IGSF22: variants seen among roughly 807,000 people sequenced by gnomAD.
IGSF22 encodes immunoglobulin superfamily, member 22.
A neutral mutation model predicts 127.0 loss-of-function variants in IGSF22; 119 were observed. The ratio of observed to expected loss-of-function variants is 0.94; its 90% CI spans 0.81 to 1.09. The LOEUF (loss-of-function observed/expected upper bound fraction) is 1.09. IGSF22 is among the 50% of genes least tolerant of loss of function. The pLI, the probability that IGSF22 is intolerant of heterozygous loss-of-function variation, is 0.00. For synonymous variants in IGSF22, 568 were observed against 664.7 expected (o/e 0.85, Z 2.24); for missense variants, 1,518 against 1,716.6 (o/e 0.88, Z 2.04).
chr11:18,707,174 T>A lies in IGSF22; in HGVS notation c.3320A>T (p.Glu1107Val). 2 of 1,547,258 alleles carry A rather than the reference T, an allele frequency of 1.3e-6. No homozygotes were observed. Among genetic ancestry groups the A allele is most frequent in the Non-Finnish European group, 1.7e-6 (2 of 1,144,440 alleles). The change falls in exon 21 of 23, where the codon GAA (glutamate) becomes GTA (valine). Residue 1107 changes from glutamate to valine, a missense_variant. Around this residue, in one of 3 missense-constraint regions of IGSF22, gnomAD observed 1,456 missense variants for 1,644.9 expected, o/e 0.89. Transcript: ENST00000513874. The part of the protein sequence containing the change: ...RPPTNLRLFE[E>V]VPNTVTLTWN... Reference sequence around the variant, plus strand: ...GGTCAGAGTCACTGTGTTGGGGACTTCCTCAAACAACCGTAGGTTTGTGGG... The same window carrying A: ...GGTCAGAGTCACTGTGTTGGGGACTACCTCAAACAACCGTAGGTTTGTGGG...
intron 20 of IGSF22, chr11:18,707,426 T>C: frequency 1.8e-6 from 1 of 542,668 alleles, no homozygotes; most frequent in Non-Finnish European, 3.2e-6. Context: ...CTTTCCTCAA[T>C]TGCAAAATAG....
At chr11:18,705,489 C>A in intron 22 of IGSF22, 1 of 297,444 alleles carries the variant, frequency 3.4e-6, no homozygotes, top group Non-Finnish European at 6.2e-6. Flanking sequence ...TTTCCAGAAC[C>A]GTGCCAGAGA....
In IGSF22 at chr11:18,714,005, C is replaced by T. The variant is rs770705790; in HGVS notation, c.1942G>A (p.Val648Met). The change falls in exon 14 of 23, where the codon GTG becomes ATG. Residue 648 changes from valine to methionine, a missense_variant. Val to Met is a conservative substitution (Grantham distance 21, BLOSUM62 1). Transcript: ENST00000513874. Reference protein sequence around the residue: ...KVTWYKDGMEVTEEERVSMER... With the variant: ...KVTWYKDGMEMTEEERVSMER... ...ATGGACACGCGTTCCTCCTCCGTCA[C>T]TTCCATGCCATCCTTGTACCATGTC... The T allele has an allele frequency of 6.2e-7, 1 of 1,614,300 alleles. No homozygotes were observed. Among genetic ancestry groups the T allele is most frequent in the African/African-American group, 1.3e-5 (1 of 75,080 alleles).
chr11:18,710,291 C>T, intron 17 of IGSF22, 36 bp downstream of exon 17: 1 of 1,606,938 alleles, frequency 6.2e-7, no homozygotes, highest in South Asian at 1.1e-5. Context: ...TGGGCTAATT[C>T]CATTATGTGT....
chr11:18,710,360 G>A lies in IGSF22; in HGVS notation c.2668C>T (p.Pro890Ser), dbSNP rs370908448. ...TCCTTGGCCACTACTGAGCTGGATG[G>A]CACACTGGGCTGTCCAGGGCCTGCC... ...NKAGPGQPSV[P>S]SSSVVAKDPV... is the part of the protein sequence containing the mutation. Residue 890 changes from proline (P) to serine (S), a missense_variant, in exon 17 of 23, where the codon CCA (proline) becomes TCA (serine). Physicochemically the swap from Pro to Ser is moderately conservative, Grantham distance 74. Coordinates refer to ENST00000513874, the MANE Select transcript of IGSF22 (RefSeq NM_173588.4). 3 of 1,614,194 alleles carry A rather than the reference G, an allele frequency of 1.9e-6. No individual in the cohort carries two copies. The highest frequency in any genetic ancestry group is 2.5e-6 in the Non-Finnish European group (3 of 1,180,036).
chr11:18,724,465 A>G (rs1180031116), intron 1 of IGSF22, among the ~76,000 whole-genome samples, 196 bp from the exon 2 acceptor site: 3 of 152,144 alleles, frequency 2.0e-5, no homozygotes. Flanking sequence ...CTGTCCTCTC[A>G]CTGAGTAACT....
intron 15 of IGSF22, 54 bp from the exon 16 acceptor site, chr11:18,710,882 G>T (rs1848343258): frequency 5.5e-6 from 8 of 1,456,396 alleles, no homozygotes; most frequent in Non-Finnish European, 7.6e-6. Context: ...GTAGATATTT[G>T]CCCACCTCAT....
At chr11:18,705,659 GGAGAGT>G (rs1340909340) in intron 22 of IGSF22, 152 bp downstream of exon 22, 1 of 638,874 alleles carries the variant, frequency 1.6e-6, no homozygotes, top group East Asian at 2.7e-5. Context: ...CGAAAGGATG[GGAGAGT>G]GGTAAGAACT....
At chr11:18,723,770 A>G (rs543718427) in intron 2 of IGSF22, among the ~76,000 whole-genome samples, 22 of 152,362 alleles carry the variant, frequency 1.4e-4, no homozygotes, top group African/African-American at 4.8e-4. Context: ...TGATATGTAG[A>G]TAAGGTGGCT....
rs1242385165 is a variant in IGSF22 at position 18,716,931 on chromosome 11, T to C, written c.1043A>G (p.Glu348Gly). 1 of 1,614,224 alleles carries C rather than the reference T, an allele frequency of 6.2e-7. No individual in the cohort carries two copies. The highest frequency in any genetic ancestry group is 8.5e-7 in the Non-Finnish European group (1 of 1,180,044). The change falls in exon 10 of 23, where the codon GAG becomes GGG. Residue 348 changes from glutamate to glycine, a missense_variant. Physicochemically the swap from Glu to Gly is moderately conservative, Grantham distance 98. This residue lies in a region of IGSF22 where 1,456 missense variants were observed against 1,644.9 expected (regional missense o/e 0.89). Transcript: ENST00000513874. This position sits in a 1 kb window ranked among gnomAD's most constrained non-coding sequence, Gnocchi z 4.5. The part of the protein sequence containing the change: ...KVTERQTAVF[E>G]IRLSKKEPNF... ...GGGCTCTTTCTTGGAGAGGCGGATC[T>C]CAAACACAGCTGTCTGGCGCTCTGT... is the stretch of plus-strand genomic sequence containing the variant.
Position 18,712,102 on chromosome 11 carries a change from ACTT to A in IGSF22, c.2375_2377del (p.Glu792del). 1.9e-6 allele frequency: 3 copies of A among 1,551,014 alleles called. No homozygotes were observed. The highest frequency in any genetic ancestry group is 1.2e-5 in the South Asian group (1 of 84,038). ...CTGACCTATGGGATTTCCTGCAAAC[ACTT>A]CTTCTGTCTCCAGTGGGTCACTCAC... On this transcript the variant is annotated inframe_deletion, in exon 15 of 23. Coordinates refer to ENST00000513874, the MANE Select transcript of IGSF22 (RefSeq NM_173588.4).
chr11:18,707,075 G>T lies in IGSF22; in HGVS notation c.3419C>A (p.Ala1140Asp), dbSNP rs182794983. The T allele has an allele frequency of 1.3e-6, 2 of 1,551,570 alleles. No individual in the cohort carries two copies. Among genetic ancestry groups the T allele is most frequent in the East Asian group, 2.4e-5 (1 of 40,930 alleles). ...YIIMKRDAST[A>D]TWYTAAERVF... ...ACGCTCGGCTGCCGTGTACCAGGTG[G>T]CTGTGCTTGCATCCCGCTTCATGAT... Residue 1140 changes from alanine (A) to aspartate (D), a missense_variant, in exon 21 of 23, where the codon GCC (alanine) becomes GAC (aspartate). By Grantham distance (126) the Ala-to-Asp change is moderately radical. Transcript: ENST00000513874.
At chr11:18,723,397 T>C (rs1274545717) in intron 2 of IGSF22, among the ~76,000 whole-genome samples, 1 of 152,262 alleles carries the variant, frequency 6.6e-6, no homozygotes, top group Non-Finnish European at 1.5e-5. Flanking sequence ...TCTGCCTCAC[T>C]GGCCAGGAGG....
At chr11:18,707,677 T>A in intron 20 of IGSF22, 127 bp downstream of exon 20, 1 of 724,268 alleles carries the variant, frequency 1.4e-6, no homozygotes, top group Non-Finnish European at 2.3e-6. Flanking sequence ...TGCTCTGTGG[T>A]GTCAAAGAAA....
At chr11:18,722,402 C>A (rs1240982387) in intron 2 of IGSF22, among the ~76,000 whole-genome samples, 3 of 151,998 alleles carry the variant, frequency 2.0e-5, no homozygotes, top group African/African-American at 7.3e-5. Context: ...TTAAGAGGGG[C>A]TAGGCCTGCT....
At chr11:18,720,344 G>T in intron 4 of IGSF22, 59 bp from the exon 5 acceptor site, 1 of 1,372,148 alleles carries the variant, frequency 7.3e-7, no homozygotes, top group Non-Finnish European at 1.0e-6. Flanking sequence ...GAGACTTTCT[G>T]TCAGATAAGG....
rs1347585111 is a variant in IGSF22 at position 18,706,233 on chromosome 11, C to G, written c.3581-87G>C. 6 of 1,262,682 alleles carry G rather than the reference C, an allele frequency of 4.8e-6. No homozygotes were observed. In the East Asian group the frequency reaches 1.5e-4, roughly 32 times the overall value. The allele number at this position is 1,262,682 out of a possible 1,614,324, so 78.2% of individuals were successfully genotyped here. A position where few individuals can be genotyped will look rare whatever the true frequency, so the allele number is the denominator to read the frequency against. On this transcript the variant is annotated intron_variant, in intron 21 of 22. Transcript: ENST00000513874. ...TCTTACAGTTCAGCTTACACGGAAC[C>G]CCGAGGACCTAGGCCACATTCCCAG...
In IGSF22 at chr11:18,719,884, A is replaced by T; in HGVS notation, c.528T>A (p.Pro176=). The part of the protein sequence containing the change: ...FKKMLKKRAP[P]APKKKQKKVA... ...CCTTCTTCTGCTTCTTCTTGGGAGCAGGGGGTGCCCTAGGAGAAGGAGGAA... is the reference window on the plus strand; with the variant it reads ...CCTTCTTCTGCTTCTTCTTGGGAGCTGGGGGTGCCCTAGGAGAAGGAGGAA... The change falls in exon 7 of 23, where the codon CCT becomes CCA. Residue 176 remains proline, a synonymous_variant. Coordinates refer to ENST00000513874, the MANE Select transcript of IGSF22 (RefSeq NM_173588.4). 2 of 1,614,088 alleles carry T rather than the reference A, an allele frequency of 1.2e-6. No individual in the cohort carries two copies.
intron 1 of IGSF22, among the ~76,000 whole-genome samples, chr11:18,725,268 C>T (rs987510510): frequency 3.3e-5 from 5 of 152,166 alleles, no homozygotes; most frequent in Admixed American, 6.5e-5. Context: ...GCTGGGTTTA[C>T]AGGCACGTGC....
Sources: gnomAD v4.1 joint callset for allele counts (sites outside exome capture counted in the v4.1 genomes callset) on GRCh38, gnomAD v4.1.1 for gene constraint, gnomAD v4.1.1 regional missense constraint, Gnocchi (gnomAD v3.1) non-coding constraint, MANE v1.5 for transcripts, NCBI Gene and HGNC (gene_info 2026-07-23, HGNC 2026-07-21) for gene names.